The following TNIP1 variants were observed in gnomAD, a reference collection of about 807,000 sequenced individuals.
TNIP1 encodes TNFAIP3-interacting protein 1.
TNIP1 carries 22 observed loss-of-function variants against 86.6 expected under a neutral mutation model. The ratio of observed to expected loss-of-function variants is 0.25; its 90% CI spans 0.18 to 0.36. TNIP1 has a LOEUF of 0.36. Among genes scored for constraint, TNIP1 ranks in the 10% least tolerant of loss-of-function variants. The probability of loss-of-function intolerance (pLI) is 1.00; values close to 1 mark genes in which losing one functional copy is unlikely to be tolerated. For missense variants in TNIP1, 709 were observed against 820.6 expected, an observed-to-expected ratio of 0.86 and a Z score of 1.66; for synonymous variants, 294 against 313.0, an observed-to-expected ratio of 0.94 and a Z score of 0.64.
chr5:151,031,130 G>C (rs1756829971), intron 17 of TNIP1, among the ~76,000 whole-genome samples: 1 of 152,136 alleles, frequency 6.6e-6, no homozygotes. Flanking sequence ...GGGCTCCACT[G>C]AACTTGTAGG....
At chr5:151,076,066 G>A (rs915683145) in intron 1 of TNIP1, among the ~76,000 whole-genome samples, 1 of 152,242 alleles carries the variant, frequency 6.6e-6, no homozygotes, top group East Asian at 1.9e-4. Context: ...GCTCTGCCCA[G>A]AGCAGCCCTC....
At chr5:151,061,760 G>A (rs1043058619) in intron 4 of TNIP1, among the ~76,000 whole-genome samples, 1 of 152,230 alleles carries the variant, frequency 6.6e-6, no homozygotes, top group Non-Finnish European at 1.5e-5. Context: ...TTATAGGCAT[G>A]AGCCACTGCG....
At chr5:151,033,301 C>A (rs1230450269) in intron 16 of TNIP1, among the ~76,000 whole-genome samples, 1 of 151,934 alleles carries the variant, frequency 6.6e-6, no homozygotes, top group South Asian at 2.1e-4. Flanking sequence ...AAAAGCAAAC[C>A]CAAACTCTGA....
At chr5:151,033,526 C>G (rs1757191321) in intron 16 of TNIP1, 82 bp downstream of exon 16, 2 of 965,920 alleles carry the variant, frequency 2.1e-6, no homozygotes, top group Non-Finnish European at 3.1e-6. Flanking sequence ...GTTTCTGAAC[C>G]CCTCACTTAA....
At chr5:151,053,151 C>T (rs1236095148) in intron 6 of TNIP1, among the ~76,000 whole-genome samples, 1 of 147,870 alleles carries the variant, frequency 6.8e-6, no homozygotes, top group Non-Finnish European at 1.5e-5. Context: ...ACTCTGTTGC[C>T]CAGGCTGGAC....
intron 6 of TNIP1, among the ~76,000 whole-genome samples, chr5:151,052,650 C>T (rs912700259): frequency 2.0e-5 from 3 of 152,224 alleles, no homozygotes; most frequent in East Asian, 1.9e-4. Context: ...CCTGACTCCC[C>T]GATCCAGCTA....
chr5:151,073,634 C>A (rs1334928280), intron 1 of TNIP1, among the ~76,000 whole-genome samples: 3 of 140,298 alleles, frequency 2.1e-5, no homozygotes, highest in African/African-American at 9.0e-5. Flanking sequence ...AGAAAAAGGC[C>A]TGGAAGCCCA....
chr5:151,038,538 T>A (rs923887295), intron 12 of TNIP1, among the ~76,000 whole-genome samples: 4 of 152,102 alleles, frequency 2.6e-5, no homozygotes, highest in Non-Finnish European at 5.9e-5. Context: ...GCCTCTACCC[T>A]GGGGGCCCCA....
At chr5:151,062,804 CT>C (rs1761749715) in intron 3 of TNIP1, among the ~76,000 whole-genome samples, 1 of 152,270 alleles carries the variant, frequency 6.6e-6, no homozygotes, top group African/African-American at 2.4e-5. Flanking sequence ...GAAATGCCCA[CT>C]GACTGCAGCA....
At chr5:151,049,754 C>T in intron 8 of TNIP1, 70 bp downstream of exon 8, 1 of 1,579,598 alleles carries the variant, frequency 6.3e-7, no homozygotes, top group Admixed American at 1.7e-5. Flanking sequence ...CTCACTGTCA[C>T]TGGAGGTGGT....
intron 17 of TNIP1, among the ~76,000 whole-genome samples, chr5:151,031,361 G>A (rs530417139): frequency 3.3e-5 from 5 of 152,166 alleles, no homozygotes; most frequent in Non-Finnish European, 7.3e-5. Context: ...TGGCCTCCCT[G>A]TCATTCCCAC....
chr5:151,065,628 A>G (rs1037531139), intron 1 of TNIP1, among the ~76,000 whole-genome samples: 11 of 152,184 alleles, frequency 7.2e-5, no homozygotes, highest in African/African-American at 2.7e-4. Flanking sequence ...TCTCTGAGGG[A>G]GGGAAATGAA....
intron 5 of TNIP1, among the ~76,000 whole-genome samples, chr5:151,057,631 T>G (rs994502951): frequency 1.3e-5 from 2 of 152,070 alleles, no homozygotes; most frequent in Non-Finnish European, 2.9e-5. Flanking sequence ...GCAGGAGAAC[T>G]ATTTGAACCA....
intron 4 of TNIP1, 140 bp from the exon 5 acceptor site, chr5:151,060,535 T>G (rs534921539): frequency 9.8e-6 from 7 of 711,170 alleles, no homozygotes; most frequent in African/African-American, 1.8e-5. Flanking sequence ...TCATCTCACA[T>G]GAGATCACAA....
At chr5:151,071,526 C>T (rs1394090600) in intron 1 of TNIP1, among the ~76,000 whole-genome samples, 3 of 152,094 alleles carry the variant, frequency 2.0e-5, no homozygotes, top group Non-Finnish European at 4.4e-5. Context: ...TTTCTTTAAC[C>T]TTCTAACCTT....
intron 1 of TNIP1, among the ~76,000 whole-genome samples, chr5:151,086,082 G>C (rs1048071758): frequency 2.6e-5 from 4 of 152,134 alleles, no homozygotes; most frequent in Admixed American, 2.0e-4. Flanking sequence ...GAAGAGGGCC[G>C]TTTGGATGAA....
At chr5:151,084,401 C>CGCCA (rs1320598850), upstream of TNIP1, among the ~76,000 whole-genome samples, 1 of 150,058 alleles carries the variant, frequency 6.7e-6, no homozygotes, top group African/African-American at 2.5e-5. Context: ...GCCAAGATCG[C>CGCCA]GCCATTGCAC....
rs1219472433 is a variant in TNIP1, at chr5:151,034,926, C to T, written c.1587+76G>A. 3 of 1,537,552 alleles carry T rather than the reference C, an allele frequency of 2.0e-6. No homozygotes were observed. In the African/African-American group the frequency reaches 4.1e-5, roughly 21 times the overall value. ...GGATGTCCCCACGCCCGAGCACACA[C>T]TGTGCATCCATCAGGCTAGCTCCAT... On this transcript the variant is annotated intron_variant, in intron 15 of 17. Transcript: ENST00000521591.
At chr5:151,087,454 AC>A (rs1284266962), upstream of TNIP1, 1 of 152,392 alleles carries the variant, frequency 6.6e-6, no homozygotes, top group Non-Finnish European at 1.5e-5. Flanking sequence ...GGCTGGGGCA[AC>A]CTGGCCTGGC....
Sources: allele counts gnomAD v4.1 joint callset (sites outside exome capture counted in the v4.1 genomes callset), GRCh38; gene constraint gnomAD v4.1.1; transcripts MANE v1.5; gene names NCBI Gene and HGNC (gene_info 2026-07-23, HGNC 2026-07-21).